RHOT1: variants seen among roughly 807,000 people sequenced by gnomAD.
RHOT1 encodes ras homolog family member T1.
A neutral mutation model predicts 95.3 loss-of-function variants in RHOT1; 27 were observed. The ratio of observed to expected loss-of-function variants is 0.28; its 90% CI spans 0.21 to 0.39. The LOEUF (loss-of-function observed/expected upper bound fraction) is 0.39. Among genes scored for constraint, RHOT1 ranks in the 10% least tolerant of loss-of-function variants. The pLI, the probability that RHOT1 is intolerant of heterozygous loss-of-function variation, is 1.00. For synonymous variants in RHOT1, 227 were observed against 263.5 expected (o/e 0.86, Z 1.34); for missense variants, 578 against 786.7 (o/e 0.73, Z 3.17).
chr17:32,186,888 C>G (rs1407660229), intron 8 of RHOT1, among the ~76,000 whole-genome samples: 1 of 152,168 alleles, frequency 6.6e-6, no homozygotes, highest in Non-Finnish European at 1.5e-5. Flanking sequence ...TCTTGAACTT[C>G]TAGCCTCAAA....
At chr17:32,146,899 ATTTTTTTTTTTT>A (rs71144808) in intron 1 of RHOT1, among the ~76,000 whole-genome samples, 4 of 98,028 alleles carry the variant, frequency 4.1e-5, no homozygotes, top group Non-Finnish European at 7.9e-5. Flanking sequence ...ATTTTTGTAA[ATTTTTTTTTTTT>A]TTTTTTTTTT....
chr17:32,165,536 G>A (rs2033998592), intron 1 of RHOT1, among the ~76,000 whole-genome samples: 1 of 150,156 alleles, frequency 6.7e-6, no homozygotes, highest in African/African-American at 2.5e-5. Context: ...AAAAAAAAAA[G>A]TTACTGATCT....
intron 1 of RHOT1, among the ~76,000 whole-genome samples, chr17:32,146,837 C>T (rs976033879): frequency 5.3e-5 from 8 of 151,458 alleles, no homozygotes; most frequent in Admixed American, 4.6e-4. Flanking sequence ...TCACTGTAAC[C>T]TCAGCCTCCC....
At position 32,147,147 on chromosome 17, in the gene RHOT1, C is replaced by T. The variant is rs535595330; in HGVS notation, c.37+4418C>T. The stretch of plus-strand genomic sequence containing the variant: ...ACAGCATCAGCCTCTCAGGTTCAAG[C>T]GATTCTCCTGCCTCAGCCTCCCAAG... On this transcript the variant is annotated intron_variant, in intron 1 of 19. Transcript: ENST00000545287. Among the ~76,000 whole-genome samples the T allele has an allele frequency of 3.6e-4, 54 of 151,206 alleles. 1 individual carries two copies. Among genetic ancestry groups the T allele is most frequent in the African/African-American group, 1.2e-3 (51 of 41,192 alleles).
intron 8 of RHOT1, among the ~76,000 whole-genome samples, chr17:32,186,117 A>G (rs1302194796): frequency 1.3e-5 from 2 of 152,178 alleles, no homozygotes; most frequent in South Asian, 2.1e-4. Flanking sequence ...GCTATTTTAC[A>G]CAATGACTGG....
chr17:32,158,095 ATC>A lies in RHOT1; in HGVS notation c.38-12946_38-12945del, dbSNP rs2033146172. Among the ~76,000 whole-genome samples the A allele has an allele frequency of 3.3e-5, 5 of 152,190 alleles. No homozygotes were observed. In the South Asian group the frequency reaches 1.0e-3, roughly 31 times the overall value. On this transcript the variant is annotated intron_variant, in intron 1 of 19. Transcript: ENST00000545287. Reference sequence around the variant, plus strand: ...GGTCTCAAACTCCTGGGCTGAAGTGATCTGCCTGCCTCAGCCTCCCAAAGTGC... The same window carrying A: ...GGTCTCAAACTCCTGGGCTGAAGTGATGCCTGCCTCAGCCTCCCAAAGTGC...
chr17:32,221,572 G>A (rs1248814127), intron 19 of RHOT1, among the ~76,000 whole-genome samples: 3 of 152,132 alleles, frequency 2.0e-5, no homozygotes, highest in African/African-American at 7.2e-5. Flanking sequence ...TATAAATAGA[G>A]CCTGGTAGTG....
intron 1 of RHOT1, among the ~76,000 whole-genome samples, chr17:32,146,713 C>T (rs906799581): frequency 6.7e-6 from 1 of 149,656 alleles, no homozygotes; most frequent in Non-Finnish European, 1.5e-5. Context: ...CTTCCTCGGC[C>T]TCCCAAAGTG....
chr17:32,209,337 A>T, intron 18 of RHOT1: 1 of 1,468,322 alleles, frequency 6.8e-7, no homozygotes. Flanking sequence ...ACTCTCATGT[A>T]TGTTATCTAC....
intron 13 of RHOT1, 146 bp from the exon 14 acceptor site, chr17:32,200,810 C>T: frequency 1.9e-6 from 1 of 530,920 alleles, no homozygotes; most frequent in Non-Finnish European, 3.4e-6. Context: ...GTAAGAAAAA[C>T]TATGGTTGGG....
At chr17:32,210,418 A>G (rs551554624) in intron 18 of RHOT1, among the ~76,000 whole-genome samples, 40 of 152,296 alleles carry the variant, frequency 2.6e-4, no homozygotes, top group Admixed American at 5.9e-4. Context: ...TCTGATTTCA[A>G]TTGGATCCAT....
Position 32,196,579 on chromosome 17 carries a change from A to G in RHOT1, c.870-2368A>G, listed in dbSNP as rs73268507. ...CTCCCTGCCTTCATTCTGGAAGTCAATACCAAACTATTTGTTGTCCACCAA... is the reference window on the plus strand; with the variant it reads ...CTCCCTGCCTTCATTCTGGAAGTCAGTACCAAACTATTTGTTGTCCACCAA... On this transcript the variant is annotated intron_variant, in intron 11 of 19. Transcript: ENST00000545287. Among the ~76,000 whole-genome samples, 273 of 152,218 alleles carry G rather than the reference A, an allele frequency of 1.8e-3. 1 individual carries two copies. Among genetic ancestry groups the G allele is most frequent in the African/African-American group, 6.2e-3 (259 of 41,536 alleles).
chr17:32,182,326 T>A (rs55935135), intron 6 of RHOT1, among the ~76,000 whole-genome samples: 33,688 of 149,776 alleles, frequency 0.22, 4,083 homozygotes, highest in African/African-American at 0.33. Context: ...AAAAAAAAAA[T>A]TTTTTTTTAA....
chr17:32,157,537 C>T (rs531146317), intron 1 of RHOT1, among the ~76,000 whole-genome samples: 4 of 152,272 alleles, frequency 2.6e-5, no homozygotes, highest in East Asian at 1.9e-4. Flanking sequence ...GTTGGCTGGG[C>T]GCAGTAGCTC....
At chr17:32,201,349 A>G (rs866880494) in intron 14 of RHOT1, among the ~76,000 whole-genome samples, 15 of 152,192 alleles carry the variant, frequency 9.9e-5, no homozygotes, top group African/African-American at 3.1e-4. Context: ...TTGCGTTTTA[A>G]TTTTCTTTAA....
Position 32,224,758 on chromosome 17 carries a change from C to A in RHOT1, c.*25C>A. The A allele has an allele frequency of 2.2e-6, 3 of 1,384,972 alleles. No individual in the cohort carries two copies. Among genetic ancestry groups the A allele is most frequent in the South Asian group, 2.4e-5 (2 of 83,344 alleles). 85.8% of individuals were successfully genotyped at this position (1,384,972 alleles called of 1,614,324 possible). Reference sequence around the variant, plus strand: ...ATATAAAAAGAAATACTGTCCCTACCAAAAACAAATACTTTTATGTACATT... The same window carrying A: ...ATATAAAAAGAAATACTGTCCCTACAAAAAACAAATACTTTTATGTACATT... On this transcript the variant is annotated 3_prime_UTR_variant, in exon 20 of 20. Transcript: ENST00000545287.
At position 32,181,246 on chromosome 17, in the gene RHOT1, T is replaced by A. The variant is rs183495109; in HGVS notation, c.330-1511T>A. Among the ~76,000 whole-genome samples the A allele has an allele frequency of 1.5e-3, 225 of 152,320 alleles. 3 individuals carry two copies. Among genetic ancestry groups the A allele is most frequent in the African/African-American group, 5.0e-3 (209 of 41,572 alleles). On this transcript the variant is annotated intron_variant, in intron 6 of 19. Coordinates refer to ENST00000545287, the MANE Select transcript of RHOT1 (RefSeq NM_001033566.3). ...CCCATTAAGATTTTTCCCCACAGAC[T>A]TATCAGATTTAACTTGTCTAAAAGA...
intron 8 of RHOT1, among the ~76,000 whole-genome samples, chr17:32,191,615 TAG>T (rs2036491971): frequency 1.3e-5 from 2 of 152,220 alleles, no homozygotes; most frequent in Admixed American, 6.5e-5. Context: ...ATAAAAGTTT[TAG>T]AGTCACAAAA....
chr17:32,169,574 G>A (rs1313401664), intron 1 of RHOT1, among the ~76,000 whole-genome samples: 1 of 152,196 alleles, frequency 6.6e-6, no homozygotes, highest in Non-Finnish European at 1.5e-5. Context: ...TGTTTATGAG[G>A]ATGTAAATTG....
Sources: allele counts gnomAD v4.1 joint callset (sites outside exome capture counted in the v4.1 genomes callset), GRCh38; gene constraint gnomAD v4.1.1; transcripts MANE v1.5; gene names NCBI Gene and HGNC (gene_info 2026-07-23, HGNC 2026-07-21).